Variants in DNAJC10 observed in about 807,000 individuals in gnomAD.
DNAJC10 encodes endoplasmic reticulum disulfide reductase DNAJC10.
Under a neutral mutation model 115.0 loss-of-function variants are expected in DNAJC10, and 101 were observed. The ratio of observed to expected loss-of-function variants is 0.88; its 90% CI spans 0.75 to 1.04. The LOEUF (loss-of-function observed/expected upper bound fraction) is 1.04. Ranked by LOEUF, DNAJC10 falls within the 50% of genes least tolerant of loss-of-function variation. The pLI is 0.00. For missense variants in DNAJC10, 981 were observed against 928.8 expected, an observed-to-expected ratio of 1.06 and a Z score of -0.73; for synonymous variants, 307 against 301.5, an observed-to-expected ratio of 1.02 and a Z score of -0.19.
At position 182,719,988 on chromosome 2, in the gene DNAJC10, A is replaced by G. The variant is rs1195692086; in HGVS notation, c.205-19A>G. On this transcript the variant is annotated intron_variant, in intron 3 of 23. Transcript: ENST00000264065. ...TGTGTATCTGAAATAATTGTATTATATCTAATATTTTTTAACAGAATAACC... is the reference window on the plus strand; with the variant it reads ...TGTGTATCTGAAATAATTGTATTATGTCTAATATTTTTTAACAGAATAACC... 1 of 1,336,070 alleles carries G rather than the reference A, an allele frequency of 7.5e-7. No individual in the cohort carries two copies. The highest frequency in any genetic ancestry group is 1.5e-5 in the African/African-American group (1 of 68,944). The allele number at this position is 1,336,070 out of a possible 1,614,324, so 82.8% of individuals were successfully genotyped here.
intron 14 of DNAJC10, among the ~76,000 whole-genome samples, chr2:182,746,482 C>A (rs1693870065): frequency 6.6e-6 from 1 of 152,120 alleles, no homozygotes; most frequent in Admixed American, 6.5e-5. Context: ...CTCTGATGGC[C>A]AGTGATGGTG....
At chr2:182,737,411 A>G (rs1404238417) in intron 11 of DNAJC10, among the ~76,000 whole-genome samples, 2 of 152,210 alleles carry the variant, frequency 1.3e-5, no homozygotes, top group African/African-American at 4.8e-5. Context: ...GTAAAAGAAG[A>G]TGCAAAATTC....
In DNAJC10 at chr2:182,751,694, A is replaced by G; in HGVS notation, c.1343A>G (p.Lys448Arg). Residue 448 changes from lysine to arginine, a missense_variant, in exon 15 of 24, where the codon AAA becomes AGA. Physicochemically the swap from Lys to Arg is conservative, Grantham distance 26. Transcript: ENST00000264065. ...KILYDILAFA[K>R]ESVNSHVTTL... ...CTATATGATATACTTGCCTTTGCCA[A>G]AGAAAGTGTGAATTCTCATGTTACC... 1.2e-6 allele frequency: 2 copies of G among 1,613,982 alleles called. No homozygotes were observed. The highest frequency in any genetic ancestry group is 2.2e-5 in the South Asian group (2 of 91,058).
At chr2:182,738,974 A>G (rs985356835) in intron 11 of DNAJC10, among the ~76,000 whole-genome samples, 1 of 151,996 alleles carries the variant, frequency 6.6e-6, no homozygotes, top group Admixed American at 6.6e-5. Context: ...ACAGGTTTAT[A>G]ATGAGATTCT....
chr2:182,721,244 A>G (rs1693143453), intron 4 of DNAJC10, among the ~76,000 whole-genome samples: 1 of 152,124 alleles, frequency 6.6e-6, no homozygotes, highest in African/African-American at 2.4e-5. Flanking sequence ...TTTTTTCAAA[A>G]TAGTATTTTC....
At chr2:182,751,148 T>TTTC (rs1371447401) in intron 14 of DNAJC10, among the ~76,000 whole-genome samples, 14 of 140,774 alleles carry the variant, frequency 9.9e-5, no homozygotes, top group Non-Finnish European at 2.0e-4. Context: ...TTTTTTTTTT[T>TTTC]TTTTTTTGAA....
rs768627051 is a variant in DNAJC10, at chr2:182,753,236, G to A, written c.1551+1048G>A. On this transcript the variant is annotated intron_variant, in intron 16 of 23. Transcript: ENST00000264065. Reference sequence around the variant, plus strand: ...GTGATTATTGTAGCTATATGAATACGCGAGAGTTTGTTGCTCTCTACTTTT... The same window carrying A: ...GTGATTATTGTAGCTATATGAATACACGAGAGTTTGTTGCTCTCTACTTTT... Among the ~76,000 whole-genome samples, 34 of 152,194 alleles carry A rather than the reference G, an allele frequency of 2.2e-4. 2 individuals carry two copies. The highest frequency in any genetic ancestry group is 3.4e-3 in the Middle Eastern group (1 of 294).
chr2:182,758,451 T>A (rs1265907502), intron 19 of DNAJC10, among the ~76,000 whole-genome samples: 1 of 152,218 alleles, frequency 6.6e-6, no homozygotes. Flanking sequence ...GAGGAAATTA[T>A]GAAAGGCTGC....
rs969144717 is a variant in DNAJC10, at chr2:182,780,769, T to C, written c.*3637T>C. Reference sequence around the variant, plus strand: ...CTAGGTATATTTTGTGAATGGAAACTAGCCAAAAATACAGCCAAAGTCTCA... The same window carrying C: ...CTAGGTATATTTTGTGAATGGAAACCAGCCAAAAATACAGCCAAAGTCTCA... On this transcript the variant is annotated 3_prime_UTR_variant, in exon 24 of 24. Coordinates refer to ENST00000264065, the MANE Select transcript of DNAJC10 (RefSeq NM_018981.4). The C allele has an allele frequency of 6.6e-6, 1 of 152,178 alleles. No homozygotes were observed. The highest frequency in any genetic ancestry group is 1.5e-5 in the Non-Finnish European group (1 of 68,034). 9.4% of individuals were successfully genotyped at this position (152,178 alleles called of 1,614,324 possible).
At chr2:182,753,351 G>A (rs1559016332) in intron 16 of DNAJC10, among the ~76,000 whole-genome samples, 1 of 151,946 alleles carries the variant, frequency 6.6e-6, no homozygotes, top group Non-Finnish European at 1.5e-5. Flanking sequence ...ATGGGAAGAG[G>A]AAGGAAAACA....
At chr2:182,722,952 A>G (rs1314142527) in intron 5 of DNAJC10, among the ~76,000 whole-genome samples, 7 of 151,846 alleles carry the variant, frequency 4.6e-5, no homozygotes, top group African/African-American at 1.7e-4. Flanking sequence ...ATACATATAA[A>G]TCTATATGTT....
intron 10 of DNAJC10, among the ~76,000 whole-genome samples, chr2:182,735,677 C>T (rs1297388543): frequency 6.6e-6 from 1 of 152,090 alleles, no homozygotes; most frequent in African/African-American, 2.4e-5. Context: ...TATTTGTTTA[C>T]TAACTTGCCC....
chr2:182,758,904 A>G lies in DNAJC10; in HGVS notation c.1997+14A>G, dbSNP rs746643414. 9 of 1,552,548 alleles carry G rather than the reference A, an allele frequency of 5.8e-6. No homozygotes were observed. The East Asian group carries it at 1.8e-4, about 31-fold the overall frequency. The stretch of plus-strand genomic sequence containing the variant: ...CTGGGGTCTAGGGTGAGTAATTAAA[A>G]TATATATCATTGTATAAAATAGATT... On this transcript the variant is annotated intron_variant, in intron 20 of 23. Coordinates refer to ENST00000264065, the MANE Select transcript of DNAJC10 (RefSeq NM_018981.4).
intron 22 of DNAJC10, among the ~76,000 whole-genome samples, chr2:182,771,766 A>G (rs1030375423): frequency 1.3e-5 from 2 of 152,072 alleles, no homozygotes; most frequent in Non-Finnish European, 2.9e-5. Flanking sequence ...GATCTTTTCA[A>G]AAAACCAGCT....
Position 182,788,972 on chromosome 2 carries a change from G to GC in DNAJC10, c.*11840_*11841insC. ...TTTTAAAGTAGCATACAGTTCAGTAGTGTTAAGTAATTTCACATTGTTCAA... is the reference window on the plus strand; with the variant it reads ...TTTTAAAGTAGCATACAGTTCAGTAGCTGTTAAGTAATTTCACATTGTTCAA... On this transcript the variant is annotated 3_prime_UTR_variant, in exon 24 of 24. Coordinates refer to ENST00000264065, the MANE Select transcript of DNAJC10 (RefSeq NM_018981.4). 1.0e-5 allele frequency: 3 copies of GC among 300,494 alleles called. No individual in the cohort carries two copies. Among genetic ancestry groups the GC allele is most frequent in the Non-Finnish European group, 1.9e-5 (3 of 154,540 alleles). 18.6% of individuals were successfully genotyped at this position (300,494 alleles called of 1,614,324 possible).
At chr2:182,730,941 T>A in intron 8 of DNAJC10, 89 bp from the exon 9 acceptor site, 1 of 841,726 alleles carries the variant, frequency 1.2e-6, no homozygotes, top group Admixed American at 2.6e-5. Flanking sequence ...GAGGGTGAGA[T>A]TAGAAAGGAA....
chr2:182,732,389 CAATT>C, intron 9 of DNAJC10, 106 bp from the exon 10 acceptor site: 1 of 973,640 alleles, frequency 1.0e-6, no homozygotes, highest in Non-Finnish European at 1.7e-6. Flanking sequence ...GAGTCCAGCT[CAATT>C]AATTGCCTTC....
At chr2:182,733,688 A>ATTTTTTT (rs10642468) in intron 10 of DNAJC10, among the ~76,000 whole-genome samples, 1 of 134,016 alleles carries the variant, frequency 7.5e-6, no homozygotes, top group Non-Finnish European at 1.6e-5. Flanking sequence ...TTCTTTCTCA[A>ATTTTTTT]TTTTTTTTTT....
intron 14 of DNAJC10, among the ~76,000 whole-genome samples, chr2:182,745,244 T>A (rs1230474844): frequency 6.6e-6 from 1 of 152,198 alleles, no homozygotes; most frequent in Non-Finnish European, 1.5e-5. Context: ...ATAGGGTATG[T>A]TCACAGTCTG....
Sources: allele counts gnomAD v4.1 joint callset (sites outside exome capture counted in the v4.1 genomes callset), GRCh38; gene constraint gnomAD v4.1.1; transcripts MANE v1.5; gene names NCBI Gene and HGNC (gene_info 2026-07-23, HGNC 2026-07-21).